The following EXOC4 variants were observed in gnomAD, a reference collection of about 807,000 sequenced individuals.
EXOC4 encodes exocyst complex component 4.
EXOC4 carries 71 observed loss-of-function variants against 107.2 expected under a neutral mutation model. The ratio of observed to expected loss-of-function variants is 0.66; its 90% confidence interval spans 0.55 to 0.81. The LOEUF is 0.81. Among genes scored for constraint, EXOC4 ranks in the 30% least tolerant of loss-of-function variants. The pLI, the probability that EXOC4 is intolerant of heterozygous loss-of-function variation, is 0.00. For synonymous variants in EXOC4, 456 were observed against 441.2 expected (o/e 1.03, Z -0.42); for missense variants, 1,108 against 1,189.6 (o/e 0.93, Z 1.01).
chr7:133,926,943 G>C (rs537614615), intron 13 of EXOC4, among the ~76,000 whole-genome samples: 1 of 152,056 alleles, frequency 6.6e-6, no homozygotes, highest in East Asian at 1.9e-4. Context: ...TTGATCTTAA[G>C]TTATTATTTG....
chr7:133,487,245 C>T (rs958341940), intron 9 of EXOC4, among the ~76,000 whole-genome samples: 6 of 152,162 alleles, frequency 3.9e-5, no homozygotes, highest in Non-Finnish European at 8.8e-5. Context: ...GATACTTGGT[C>T]ATCACACAGA....
intron 9 of EXOC4, among the ~76,000 whole-genome samples, chr7:133,598,753 G>A (rs117185485): frequency 0.012 from 1,831 of 152,236 alleles, 19 homozygotes; most frequent in Non-Finnish European, 0.02. Context: ...AGGCTGAAGC[G>A]GGTGGATTAC....
At chr7:134,076,865 T>A in the EXOC4 span, among the ~76,000 whole-genome samples, 1 of 152,128 alleles carries the variant, frequency 6.6e-6, no homozygotes, top group African/African-American at 2.4e-5. Flanking sequence ...ACGTAAAATT[T>A]TTTGGCTTTA....
At chr7:133,270,522 T>A (rs1321723193) in intron 1 of EXOC4, among the ~76,000 whole-genome samples, 1 of 152,116 alleles carries the variant, frequency 6.6e-6, no homozygotes, top group Non-Finnish European at 1.5e-5. Context: ...AAAGAACTAT[T>A]GAAAGTCCTT....
At chr7:133,420,854 GA>G (rs1797588543) in intron 7 of EXOC4, among the ~76,000 whole-genome samples, 1 of 151,064 alleles carries the variant, frequency 6.6e-6, no homozygotes, top group South Asian at 2.1e-4. Context: ...TCACATCAGG[GA>G]ATTTTTGGTA....
At chr7:133,592,939 G>T (rs1801584462) in intron 9 of EXOC4, among the ~76,000 whole-genome samples, 1 of 152,114 alleles carries the variant, frequency 6.6e-6, no homozygotes, top group African/African-American at 2.4e-5. Context: ...TAGAAACTGG[G>T]TTTCACCATG....
intron 14 of EXOC4, among the ~76,000 whole-genome samples, chr7:133,982,572 A>G (rs1794015984): frequency 6.6e-6 from 1 of 152,090 alleles, no homozygotes; most frequent in African/African-American, 2.4e-5. Context: ...CAAAACAAAA[A>G]AAGATACTGG....
At chr7:133,298,941 T>C (rs999780068) in intron 3 of EXOC4, among the ~76,000 whole-genome samples, 3 of 152,222 alleles carry the variant, frequency 2.0e-5, no homozygotes, top group Admixed American at 6.5e-5. Flanking sequence ...ATAGTCATAC[T>C]CATGGACTAG....
intron 1 of EXOC4, among the ~76,000 whole-genome samples, chr7:133,255,816 G>C (rs545065863): frequency 1.7e-4 from 26 of 152,260 alleles, no homozygotes; most frequent in Non-Finnish European, 3.1e-4. Flanking sequence ...TATTACTTTG[G>C]TGTTTGGGAT....
At chr7:133,534,114 A>G (rs1328027087) in intron 9 of EXOC4, among the ~76,000 whole-genome samples, 1 of 152,172 alleles carries the variant, frequency 6.6e-6, no homozygotes, top group East Asian at 1.9e-4. Context: ...CTGTATTTTC[A>G]TAATCAAACC....
chr7:133,587,133 C>T (rs1210459025), intron 9 of EXOC4, among the ~76,000 whole-genome samples: 2 of 152,072 alleles, frequency 1.3e-5, no homozygotes, highest in Non-Finnish European at 1.5e-5. Flanking sequence ...CATGCCTGGC[C>T]CTGATCCCAT....
intron 7 of EXOC4, among the ~76,000 whole-genome samples, chr7:133,454,036 C>A (rs546323417): frequency 1.6e-3 from 239 of 152,270 alleles, no homozygotes; most frequent in Middle Eastern, 0.01. Flanking sequence ...CATTTCAAGA[C>A]AATTTATGAT....
intron 7 of EXOC4, among the ~76,000 whole-genome samples, chr7:133,391,501 G>C (rs1366735234): frequency 2.0e-5 from 3 of 152,166 alleles, no homozygotes; most frequent in Non-Finnish European, 4.4e-5. Flanking sequence ...TAGGACACGT[G>C]CGTACTGGAA....
intron 3 of EXOC4, among the ~76,000 whole-genome samples, chr7:133,304,846 A>G (rs1794717094): frequency 6.6e-6 from 1 of 152,212 alleles, no homozygotes; most frequent in Non-Finnish European, 1.5e-5. Context: ...AGGAATATTT[A>G]GTATAACCAA....
chr7:133,781,281 G>A (rs976615684), intron 10 of EXOC4, among the ~76,000 whole-genome samples: 2 of 152,198 alleles, frequency 1.3e-5, no homozygotes, highest in Admixed American at 1.3e-4. Context: ...CCCTAGGGTG[G>A]CCATGAAACT....
chr7:133,535,158 G>A (rs1386698500), intron 9 of EXOC4, among the ~76,000 whole-genome samples: 3 of 152,152 alleles, frequency 2.0e-5, no homozygotes, highest in Non-Finnish European at 4.4e-5. Flanking sequence ...GAATGTCTTT[G>A]TGGTAGTTGA....
intron 17 of EXOC4, among the ~76,000 whole-genome samples, chr7:134,053,391 A>G (rs1429290435): frequency 6.6e-6 from 1 of 152,000 alleles, no homozygotes; most frequent in Admixed American, 6.6e-5. Context: ...GAACAACCCT[A>G]TGTTACTATT....
At chr7:133,341,653 G>A (rs974208309) in intron 5 of EXOC4, among the ~76,000 whole-genome samples, 12 of 152,010 alleles carry the variant, frequency 7.9e-5, no homozygotes, top group African/African-American at 2.2e-4. Flanking sequence ...CACTCTTATC[G>A]TGTTGCTGTC....
intron 7 of EXOC4, among the ~76,000 whole-genome samples, chr7:133,444,695 A>G (rs1431613879): frequency 6.6e-6 from 1 of 152,216 alleles, no homozygotes; most frequent in Non-Finnish European, 1.5e-5. Context: ...GGAGAAGAAG[A>G]GTGCCACATT....
Sources: gnomAD v4.1 joint callset for allele counts (sites outside exome capture counted in the v4.1 genomes callset) on GRCh38, gnomAD v4.1.1 for gene constraint, MANE v1.5 for transcripts, NCBI Gene and HGNC (gene_info 2026-07-23, HGNC 2026-07-21) for gene names.